Variants in NPAS3 observed in about 807,000 individuals in gnomAD.
NPAS3 encodes the protein neuronal PAS domain-containing protein 3.
In NPAS3, 14 loss-of-function variants were observed where a neutral mutation model predicts 73.1. The observed-to-expected ratio is 0.19, with a 90% CI of 0.13 to 0.30. The LOEUF (loss-of-function observed/expected upper bound fraction) is 0.30, where lower values mean the gene tolerates loss of function less well. Ranked by LOEUF, NPAS3 falls within the 10% of genes least tolerant of loss-of-function variation. The probability of loss-of-function intolerance (pLI) is 1.00; values close to 1 mark genes in which losing one functional copy is unlikely to be tolerated. For missense variants in NPAS3, 1,096 were observed against 1,250.0 expected (o/e 0.88, Z 1.86); for synonymous variants, 620 against 541.5 (o/e 1.14, Z -2.01).
At chr14:33,790,908 A>T (rs376934878) in intron 9 of NPAS3, among the ~76,000 whole-genome samples, 10 of 152,278 alleles carry the variant, frequency 6.6e-5, no homozygotes, top group African/African-American at 2.4e-4. Flanking sequence ...GCCTCAAGTG[A>T]TCCATCCACC....
intron 2 of NPAS3, among the ~76,000 whole-genome samples, chr14:33,077,218 C>G (rs2041690072): frequency 6.6e-6 from 1 of 151,970 alleles, no homozygotes; most frequent in Non-Finnish European, 1.5e-5. Flanking sequence ...GAGGTGGGGT[C>G]AGGTTTGCAA....
At chr14:33,662,810 A>ACTT (rs2059344997) in intron 5 of NPAS3, among the ~76,000 whole-genome samples, 1 of 148,936 alleles carries the variant, frequency 6.7e-6, no homozygotes, top group Non-Finnish European at 1.5e-5. Flanking sequence ...GTATCCTGAG[A>ACTT]CTTTGCTGAA....
In NPAS3 at chr14:32,969,044, T is replaced by C. The variant is rs545868587; in HGVS notation, c.50+29678T>C. Among the ~76,000 whole-genome samples the C allele has an allele frequency of 5.4e-4, 82 of 152,296 alleles. 1 individual carries two copies. Among genetic ancestry groups the C allele is most frequent in the African/African-American group, 1.9e-3 (81 of 41,554 alleles). On this transcript the variant is annotated intron_variant, in intron 1 of 11. Coordinates refer to ENST00000356141, the Ensembl canonical transcript of NPAS3. ...CATGCAGTGTTTGTTTTTTTGTTCCTGCGTTAGTTTGCTGAGGATAACAAA... is the reference window on the plus strand; with the variant it reads ...CATGCAGTGTTTGTTTTTTTGTTCCCGCGTTAGTTTGCTGAGGATAACAAA...
intron 11 of NPAS3, among the ~76,000 whole-genome samples, chr14:33,797,811 C>T (rs913366697): frequency 6.6e-6 from 1 of 151,460 alleles, no homozygotes; most frequent in Non-Finnish European, 1.5e-5. Flanking sequence ...ACACACAATA[C>T]ATATAGATAT....
At chr14:32,947,253 C>G (rs2036298457) in intron 1 of NPAS3, among the ~76,000 whole-genome samples, 1 of 152,114 alleles carries the variant, frequency 6.6e-6, no homozygotes, top group Non-Finnish European at 1.5e-5. Flanking sequence ...GCTACAGTAA[C>G]ACTGCGGAAA....
At chr14:33,198,916 G>T (rs919194775) in intron 2 of NPAS3, among the ~76,000 whole-genome samples, 1 of 152,296 alleles carries the variant, frequency 6.6e-6, no homozygotes, top group Non-Finnish European at 1.5e-5. Context: ...GAATTTGAGC[G>T]CGGCGTGGAT....
At chr14:33,525,664 A>T (rs1382489218) in intron 4 of NPAS3, among the ~76,000 whole-genome samples, 2 of 152,160 alleles carry the variant, frequency 1.3e-5, no homozygotes, top group Non-Finnish European at 2.9e-5. Flanking sequence ...AGGGATGGGC[A>T]TCTTTATCCA....
intron 4 of NPAS3, among the ~76,000 whole-genome samples, chr14:33,537,134 A>G (rs1223401414): frequency 6.6e-6 from 1 of 152,214 alleles, no homozygotes; most frequent in African/African-American, 2.4e-5. Flanking sequence ...CCCTCCATGT[A>G]GACAATGTTC....
chr14:33,788,302 G>A (rs901973805), intron 9 of NPAS3, among the ~76,000 whole-genome samples: 2 of 152,218 alleles, frequency 1.3e-5, no homozygotes, highest in Non-Finnish European at 2.9e-5. Flanking sequence ...GGGGTGAATG[G>A]CGCCACAGAT....
chr14:32,965,003 A>C (rs2037093198), intron 1 of NPAS3, among the ~76,000 whole-genome samples: 1 of 152,116 alleles, frequency 6.6e-6, no homozygotes, highest in African/African-American at 2.4e-5. Flanking sequence ...GTAGCAAAAC[A>C]AAGTATTGAA....
At chr14:33,673,774 C>G (rs1273803332) in intron 5 of NPAS3, among the ~76,000 whole-genome samples, 1 of 152,210 alleles carries the variant, frequency 6.6e-6, no homozygotes, top group African/African-American at 2.4e-5. Context: ...TGCAGAGCAG[C>G]AATGCTGCCA....
intron 2 of NPAS3, among the ~76,000 whole-genome samples, chr14:33,198,267 T>A (rs913861663): frequency 4.0e-5 from 6 of 150,704 alleles, no homozygotes; most frequent in Non-Finnish European, 1.5e-5. Flanking sequence ...AGTTTGCCCC[T>A]GCTGGCTCAG....
intron 4 of NPAS3, among the ~76,000 whole-genome samples, chr14:33,398,975 G>A (rs1025034674): frequency 3.3e-5 from 5 of 152,006 alleles, no homozygotes; most frequent in African/African-American, 1.2e-4. Flanking sequence ...CTTTCCCACT[G>A]TGACAATTAG....
chr14:33,118,288 GA>G (rs1219063876), intron 2 of NPAS3, among the ~76,000 whole-genome samples: 1 of 151,974 alleles, frequency 6.6e-6, no homozygotes, highest in African/African-American at 2.4e-5. Context: ...TTGGAAGTGG[GA>G]AAGTATACTT....
chr14:33,357,371 C>T (rs1362765826), intron 3 of NPAS3, among the ~76,000 whole-genome samples: 1 of 152,202 alleles, frequency 6.6e-6, no homozygotes, highest in Non-Finnish European at 1.5e-5. Flanking sequence ...ATTGCTGGCT[C>T]TTTGCCCAAG....
chr14:33,752,822 C>CTTTCTGATATTCTGAT (rs2062002968), intron 7 of NPAS3, among the ~76,000 whole-genome samples: 1 of 152,052 alleles, frequency 6.6e-6, no homozygotes, highest in South Asian at 2.1e-4. Context: ...TACCATCTGT[C>CTTTCTGATATTCTGAT]TTTCTGATAT....
intron 5 of NPAS3, among the ~76,000 whole-genome samples, chr14:33,573,021 CAAAAA>C (rs1172844613): frequency 1.6e-5 from 1 of 61,590 alleles, no homozygotes; most frequent in Non-Finnish European, 3.3e-5. Flanking sequence ...GACTTCTTCT[CAAAAA>C]AAAAAAAAAA....
chr14:33,054,054 G>T (rs2040800518), intron 1 of NPAS3, among the ~76,000 whole-genome samples: 1 of 152,288 alleles, frequency 6.6e-6, no homozygotes, highest in South Asian at 2.1e-4. Flanking sequence ...CATATCATCT[G>T]CTGTCACTGG....
At chr14:33,446,553 C>T (rs1315175444) in intron 4 of NPAS3, among the ~76,000 whole-genome samples, 2 of 152,218 alleles carry the variant, frequency 1.3e-5, no homozygotes, top group East Asian at 3.9e-4. Flanking sequence ...ATAGTTGTAT[C>T]TCATTCCTCC....
Sources: allele counts gnomAD v4.1 joint callset (sites outside exome capture counted in the v4.1 genomes callset), GRCh38; gene constraint gnomAD v4.1.1; transcripts MANE v1.5; gene names NCBI Gene and HGNC (gene_info 2026-07-23, HGNC 2026-07-21).